SLC1A7: variants seen among roughly 807,000 people sequenced by gnomAD.
SLC1A7 encodes solute carrier family 1 member 7, also known as excitatory amino acid transporter 5.
In SLC1A7, 40 loss-of-function variants were observed where a neutral mutation model predicts 47.7. That is an observed-to-expected ratio of 0.84 (90% CI 0.65 to 1.09). The LOEUF is 1.09. Among genes scored for constraint, SLC1A7 ranks in the 50% least tolerant of loss-of-function variants. SLC1A7 has a pLI of 0.00. For missense variants in SLC1A7, 746 were observed against 769.5 expected, an observed-to-expected ratio of 0.97 and a Z score of 0.36; for synonymous variants, 323 against 325.6, an observed-to-expected ratio of 0.99 and a Z score of 0.09.
intron 6 of SLC1A7, among the ~76,000 whole-genome samples, 189 bp from the exon 7 acceptor site, chr1:53,092,976 G>C (rs547439372): frequency 6.6e-6 from 1 of 152,242 alleles, no homozygotes; most frequent in Non-Finnish European, 1.5e-5. Flanking sequence ...CACCGCCCCA[G>C]CTCCAGACAA....
At chr1:53,117,476 A>C (rs1424609173) in intron 2 of SLC1A7, among the ~76,000 whole-genome samples, 1 of 152,156 alleles carries the variant, frequency 6.6e-6, no homozygotes, top group Non-Finnish European at 1.5e-5. Flanking sequence ...TGACCTAAGA[A>C]CTCACCAATG....
At chr1:53,089,532 C>T (rs538744020) in intron 9 of SLC1A7, among the ~76,000 whole-genome samples, 2 of 152,340 alleles carry the variant, frequency 1.3e-5, no homozygotes, top group South Asian at 2.1e-4. Flanking sequence ...GCCATGGCCT[C>T]TCAAAGTTCT....
chr1:53,113,153 A>T (rs1248909819), intron 3 of SLC1A7, among the ~76,000 whole-genome samples: 2 of 152,172 alleles, frequency 1.3e-5, no homozygotes, highest in Non-Finnish European at 2.9e-5. Flanking sequence ...CTTAGATCTG[A>T]AATTGACCAG....
intron 2 of SLC1A7, among the ~76,000 whole-genome samples, chr1:53,121,993 G>A (rs567581408): frequency 1.5e-4 from 23 of 151,996 alleles, no homozygotes; most frequent in African/African-American, 5.3e-4. Context: ...ATAGAGGCAC[G>A]TGCCTGGTTG....
chr1:53,102,546 C>T (rs577230544), intron 5 of SLC1A7: 5 of 152,720 alleles, frequency 3.3e-5, no homozygotes, highest in South Asian at 4.1e-4. Flanking sequence ...GAGGGTTGTG[C>T]GGAGAGGAGC....
chr1:53,136,548 T>C (rs1247259921), intron 1 of SLC1A7, among the ~76,000 whole-genome samples: 3 of 40,422 alleles, frequency 7.4e-5, no homozygotes, highest in Non-Finnish European at 9.9e-5. Context: ...ATATATATAA[T>C]ATATATAAAC....
intron 3 of SLC1A7, among the ~76,000 whole-genome samples, chr1:53,113,738 A>G (rs1052340516): frequency 6.6e-6 from 1 of 151,994 alleles, no homozygotes; most frequent in Admixed American, 6.6e-5. Flanking sequence ...GGCCTTTAGG[A>G]TGCAACTTAG....
chr1:53,106,058 C>T (rs7516241), intron 3 of SLC1A7, among the ~76,000 whole-genome samples: 12,695 of 152,064 alleles, frequency 0.083, 1,087 homozygotes, highest in East Asian at 0.24. Context: ...TCAAATCTAC[C>T]ACAGATCAAG....
chr1:53,125,162 G>A (rs981593410), intron 2 of SLC1A7, among the ~76,000 whole-genome samples: 2 of 152,212 alleles, frequency 1.3e-5, no homozygotes, highest in Non-Finnish European at 2.9e-5. Context: ...AAAACCATGG[G>A]AGGGGGGCCC....
At chr1:53,111,485 C>T (rs887876885) in intron 3 of SLC1A7, among the ~76,000 whole-genome samples, 1 of 152,124 alleles carries the variant, frequency 6.6e-6, no homozygotes, top group African/African-American at 2.4e-5. Context: ...AGAGAGGAAG[C>T]GGAGGCCAGG....
chr1:53,092,305 G>T (rs895465347), intron 7 of SLC1A7, among the ~76,000 whole-genome samples: 1 of 152,256 alleles, frequency 6.6e-6, no homozygotes, highest in African/African-American at 2.4e-5. Flanking sequence ...GCCCTGGCGC[G>T]TCGAGGCCGC....
At chr1:53,111,147 A>T (rs892550118) in intron 3 of SLC1A7, among the ~76,000 whole-genome samples, 1 of 152,188 alleles carries the variant, frequency 6.6e-6, no homozygotes, top group African/African-American at 2.4e-5. Context: ...AAGAGAAGAC[A>T]ACAGAGAGGC....
In SLC1A7 at chr1:53,142,354, G is replaced by A. The variant is rs1645066549; in HGVS notation, c.96C>T (p.Leu32=). Residue 32 remains leucine (L), a synonymous_variant, in exon 1 of 11, where the codon CTC becomes CTT. Coordinates refer to ENST00000371494, the MANE Select transcript of SLC1A7 (RefSeq NM_006671.6). The part of the protein sequence containing the change: ...LSVLSVIVGC[L]LGFFLRTRRL... ...GCCGGGTCCTCAAGAAGAAGCCGAGGAGGCAGCCCACGATGACAGACAGCA... is the reference window on the plus strand; with the variant it reads ...GCCGGGTCCTCAAGAAGAAGCCGAGAAGGCAGCCCACGATGACAGACAGCA... 1.3e-6 allele frequency: 2 copies of A among 1,584,064 alleles called. No individual in the cohort carries two copies. The highest frequency in any genetic ancestry group is 1.8e-5 in the Admixed American group (1 of 55,610).
intron 4 of SLC1A7, among the ~76,000 whole-genome samples, chr1:53,105,476 C>G (rs1644630259): frequency 6.6e-6 from 1 of 152,152 alleles, no homozygotes; most frequent in Non-Finnish European, 1.5e-5. Context: ...GGAAGCAGAG[C>G]AGGCACTCAG....
At chr1:53,128,060 A>G (rs960620339) in intron 2 of SLC1A7, among the ~76,000 whole-genome samples, 1 of 152,270 alleles carries the variant, frequency 6.6e-6, no homozygotes, top group Non-Finnish European at 1.5e-5. Context: ...AGACACACAC[A>G]CAGAGAACCA....
At chr1:53,101,448 A>T (rs1644579293) in intron 5 of SLC1A7, among the ~76,000 whole-genome samples, 1 of 132,518 alleles carries the variant, frequency 7.5e-6, no homozygotes, top group Admixed American at 7.5e-5. Flanking sequence ...CACATCTCAC[A>T]ACGGTACACT....
At chr1:53,114,997 G>A in intron 2 of SLC1A7, 24 bp from the exon 3 acceptor site, 1 of 1,589,794 alleles carries the variant, frequency 6.3e-7, no homozygotes, top group Non-Finnish European at 8.6e-7. Context: ...GGGGTCAGGG[G>A]CTGTGGTGGG....
intron 3 of SLC1A7, among the ~76,000 whole-genome samples, chr1:53,106,755 T>C (rs1222388076): frequency 6.6e-6 from 1 of 152,230 alleles, no homozygotes. Flanking sequence ...AACGAAGGAT[T>C]CATTATAGAA....
At chr1:53,132,949 C>T (rs1644956031) in intron 2 of SLC1A7, among the ~76,000 whole-genome samples, 1 of 152,152 alleles carries the variant, frequency 6.6e-6, no homozygotes, top group African/African-American at 2.4e-5. Context: ...CTGGGGAGAT[C>T]TCCATCTGGG....
Sources: allele counts gnomAD v4.1 joint callset (sites outside exome capture counted in the v4.1 genomes callset), GRCh38; gene constraint gnomAD v4.1.1; transcripts MANE v1.5; gene names NCBI Gene and HGNC (gene_info 2026-07-23, HGNC 2026-07-21).